The following TMEM232 variants were observed in gnomAD, a reference collection of about 807,000 sequenced individuals.
TMEM232 encodes transmembrane protein 232.
Under a neutral mutation model 78.8 loss-of-function variants are expected in TMEM232, and 80 were observed. That is an observed-to-expected ratio of 1.01 (90% CI 0.85 to 1.22). The LOEUF (loss-of-function observed/expected upper bound fraction) is 1.22, where lower values mean the gene tolerates loss of function less well. TMEM232 is among the 50% of genes most tolerant of loss of function. The probability of loss-of-function intolerance (pLI) is 0.00; values close to 1 mark genes in which losing one functional copy is unlikely to be tolerated. For missense variants in TMEM232, 881 were observed against 742.2 expected, an observed-to-expected ratio of 1.19 and a Z score of -2.17; for synonymous variants, 297 against 254.3, an observed-to-expected ratio of 1.17 and a Z score of -1.60.
intron 1 of TMEM232, among the ~76,000 whole-genome samples, chr5:110,689,463 A>T (rs1000755850): frequency 2.0e-5 from 3 of 152,156 alleles, no homozygotes; most frequent in East Asian, 3.9e-4. Context: ...AATATTCAAA[A>T]TACTGAAAAC....
intron 1 of TMEM232, among the ~76,000 whole-genome samples, chr5:110,686,888 C>T (rs1292354354): frequency 2.6e-5 from 4 of 152,126 alleles, no homozygotes; most frequent in Non-Finnish European, 5.9e-5. Context: ...CTTTCACGGT[C>T]ATTGTTAGGC....
At chr5:110,693,833 G>A (rs537357726) in intron 1 of TMEM232, among the ~76,000 whole-genome samples, 12 of 152,282 alleles carry the variant, frequency 7.9e-5, no homozygotes, top group East Asian at 3.9e-4. Flanking sequence ...TCTGATTGGT[G>A]TACCTGAAAG....
intron 8 of TMEM232, among the ~76,000 whole-genome samples, chr5:110,617,712 T>A (rs1017049076): frequency 6.6e-6 from 1 of 152,046 alleles, no homozygotes; most frequent in African/African-American, 2.4e-5. Context: ...TCCCAGAACT[T>A]TGGGAGGCCG....
At chr5:110,494,742 C>T (rs1048042722) in intron 12 of TMEM232, among the ~76,000 whole-genome samples, 4 of 151,940 alleles carry the variant, frequency 2.6e-5, no homozygotes, top group Non-Finnish European at 5.9e-5. Context: ...ATAGGATATT[C>T]ACACAATAAA....
chr5:110,511,603 A>G (rs1356592758), intron 12 of TMEM232, among the ~76,000 whole-genome samples: 1 of 152,114 alleles, frequency 6.6e-6, no homozygotes, highest in Non-Finnish European at 1.5e-5. Context: ...GTACTGTAAT[A>G]AACACATTTA....
intron 2 of TMEM232, among the ~76,000 whole-genome samples, chr5:110,659,988 G>T (rs969427075): frequency 5.9e-5 from 9 of 151,996 alleles, no homozygotes; most frequent in African/African-American, 2.2e-4. Context: ...GAAAAAAAGG[G>T]GTTGTCAATG....
intron 11 of TMEM232, among the ~76,000 whole-genome samples, chr5:110,542,580 T>C (rs1773271840): frequency 6.6e-6 from 1 of 152,058 alleles, no homozygotes; most frequent in African/African-American, 2.4e-5. Context: ...CAAGTCAGCA[T>C]GAAGCAGTTA....
intron 1 of TMEM232, among the ~76,000 whole-genome samples, chr5:110,686,182 G>C (rs887663918): frequency 6.6e-6 from 1 of 151,922 alleles, no homozygotes; most frequent in African/African-American, 2.4e-5. Flanking sequence ...TGTGAATCTG[G>C]GCTTAATTCA....
chr5:110,540,252 C>T (rs1459161145), intron 11 of TMEM232, among the ~76,000 whole-genome samples: 11 of 152,162 alleles, frequency 7.2e-5, no homozygotes, highest in Admixed American at 4.6e-4. Context: ...GGAGTGGCCT[C>T]GGGATGGCCA....
chr5:110,729,927 C>G (rs1561581174), upstream of TMEM232, among the ~76,000 whole-genome samples: 1 of 152,172 alleles, frequency 6.6e-6, no homozygotes, highest in Non-Finnish European at 1.5e-5. Context: ...TTTTAGAAGC[C>G]TTCCAACGCA....
intron 11 of TMEM232, among the ~76,000 whole-genome samples, chr5:110,555,590 G>C (rs1774980444): frequency 6.6e-6 from 1 of 152,156 alleles, no homozygotes; most frequent in South Asian, 2.1e-4. Context: ...CTCTCTGTCA[G>C]TGGAGTGTTG....
intron 1 of TMEM232, among the ~76,000 whole-genome samples, chr5:110,673,968 G>C (rs1259277581): frequency 1.1e-5 from 1 of 88,130 alleles, no homozygotes; most frequent in African/African-American, 4.5e-5. Context: ...AACTTGTTAA[G>C]ATCAAAATAA....
intron 12 of TMEM232, among the ~76,000 whole-genome samples, chr5:110,431,676 A>G (rs769822098): frequency 4.6e-5 from 7 of 151,734 alleles, no homozygotes; most frequent in Non-Finnish European, 8.8e-5. Flanking sequence ...TTGCTAGAAA[A>G]CTGGAATCTA....
chr5:110,406,107 G>A (rs1755779654), intron 2 of TMEM232, among the ~76,000 whole-genome samples: 1 of 151,948 alleles, frequency 6.6e-6, no homozygotes, highest in Admixed American at 6.6e-5. Context: ...CCAGTAGACA[G>A]CTGAATGGCT....
intron 12 of TMEM232, among the ~76,000 whole-genome samples, chr5:110,510,299 C>T (rs1178752666): frequency 6.6e-6 from 1 of 152,180 alleles, no homozygotes; most frequent in Non-Finnish European, 1.5e-5. Flanking sequence ...TTTCCTACCC[C>T]CAACTCTGCC....
chr5:110,573,970 A>C (rs1737095279), intron 10 of TMEM232, among the ~76,000 whole-genome samples: 2 of 152,088 alleles, frequency 1.3e-5, no homozygotes, highest in Admixed American at 1.3e-4. Context: ...GGTCACAGCC[A>C]ATTTGTGGGC....
rs139913245 is a variant in TMEM232, at chr5:110,540,737, T to C, written c.1456-11902A>G. 6.6e-3 allele frequency among the ~76,000 whole-genome samples: 1,006 copies of C among 152,322 alleles called. 32 individuals carry two copies. The highest frequency in any genetic ancestry group is 0.055 in the Admixed American group (844 of 15,294). On this transcript the variant is annotated intron_variant, in intron 11 of 13. Transcript: ENST00000455884. ...GCACAAAAGGCTGAATTCATTACTCTTACCTGAGCATTAATGTTGGGACAA... is the reference window on the plus strand; with the variant it reads ...GCACAAAAGGCTGAATTCATTACTCCTACCTGAGCATTAATGTTGGGACAA...
intron 11 of TMEM232, among the ~76,000 whole-genome samples, chr5:110,529,466 T>C (rs148799094): frequency 0.04 from 6,151 of 152,152 alleles, 196 homozygotes; most frequent in African/African-American, 0.086. Flanking sequence ...AGGCTGGTCT[T>C]GAACTCCTGA....
chr5:110,636,706 A>G (rs1278768385), intron 5 of TMEM232, among the ~76,000 whole-genome samples: 2 of 152,050 alleles, frequency 1.3e-5, no homozygotes, highest in Admixed American at 1.3e-4. Context: ...TCTCTATGCC[A>G]CAGTGAGATG....
Sources: allele counts gnomAD v4.1 joint callset (sites outside exome capture counted in the v4.1 genomes callset), GRCh38; gene constraint gnomAD v4.1.1; transcripts MANE v1.5; gene names NCBI Gene and HGNC (gene_info 2026-07-23, HGNC 2026-07-21).